ATP8A2: variants seen among roughly 807,000 people sequenced by gnomAD.
ATP8A2 encodes ATPase phospholipid transporting 8A2, also known as phospholipid-transporting ATPase IB.
ATP8A2 carries 100 observed loss-of-function variants against 165.6 expected under a neutral mutation model. That is an observed-to-expected ratio of 0.60 (90% CI 0.51 to 0.71). The LOEUF (loss-of-function observed/expected upper bound fraction) is 0.71, where lower values mean the gene tolerates loss of function less well. ATP8A2 is among the 30% of genes least tolerant of loss of function. The pLI is 0.00. For synonymous variants in ATP8A2, 543 were observed against 548.8 expected, an observed-to-expected ratio of 0.99 and a Z score of 0.15; for missense variants, 1,227 against 1,479.5, an observed-to-expected ratio of 0.83 and a Z score of 2.80.
intron 27 of ATP8A2, among the ~76,000 whole-genome samples, chr13:25,799,035 C>T (rs1249671228): frequency 6.6e-6 from 1 of 151,506 alleles, no homozygotes; most frequent in African/African-American, 2.4e-5. Context: ...GAAAAGCACA[C>T]CAATTTATTT....
At chr13:25,713,671 G>C (rs565254107) in intron 25 of ATP8A2, among the ~76,000 whole-genome samples, 2 of 152,300 alleles carry the variant, frequency 1.3e-5, no homozygotes, top group African/African-American at 4.8e-5. Flanking sequence ...TCAAATGCAG[G>C]TCACTTCGTG....
At chr13:25,771,035 C>T (rs949691634) in intron 26 of ATP8A2, among the ~76,000 whole-genome samples, 4 of 152,242 alleles carry the variant, frequency 2.6e-5, no homozygotes, top group African/African-American at 7.2e-5. Context: ...TTCTTCTCAG[C>T]TCACAGTTCT....
intron 2 of ATP8A2, among the ~76,000 whole-genome samples, chr13:25,490,273 G>A (rs568963564): frequency 7.6e-4 from 116 of 152,312 alleles, no homozygotes; most frequent in Non-Finnish European, 6.8e-4. Flanking sequence ...TTCCTGAGCC[G>A]TAAGGTGGGT....
intron 24 of ATP8A2, among the ~76,000 whole-genome samples, chr13:25,594,570 C>T (rs562761852): frequency 6.6e-6 from 1 of 152,210 alleles, no homozygotes; most frequent in African/African-American, 2.4e-5. Flanking sequence ...TTTATCCCTT[C>T]CCACCCTTTC....
chr13:25,976,116 T>C (rs1417350177), intron 35 of ATP8A2, among the ~76,000 whole-genome samples: 2 of 152,166 alleles, frequency 1.3e-5, no homozygotes, highest in African/African-American at 2.4e-5. Flanking sequence ...GTTTTTAAGA[T>C]ACAGAGTCCC....
At chr13:25,449,747 A>G (rs569546028) in intron 1 of ATP8A2, among the ~76,000 whole-genome samples, 1 of 152,352 alleles carries the variant, frequency 6.6e-6, no homozygotes, top group South Asian at 2.1e-4. Context: ...ATAAATGCTT[A>G]GGATTATCAA....
At chr13:25,766,537 T>C (rs1481844227) in intron 25 of ATP8A2, among the ~76,000 whole-genome samples, 1 of 152,184 alleles carries the variant, frequency 6.6e-6, no homozygotes, top group Non-Finnish European at 1.5e-5. Context: ...TCATTTCCTA[T>C]TCCACATTGA....
At chr13:25,414,186 GTTTTTTTTTT>G (rs10528594) in intron 1 of ATP8A2, among the ~76,000 whole-genome samples, 4 of 119,092 alleles carry the variant, frequency 3.4e-5, no homozygotes, top group Admixed American at 8.6e-5. Context: ...GGGCTGTGGT[GTTTTTTTTTT>G]TTTTTTTTTT....
At chr13:25,645,788 T>G (rs1030748052) in intron 24 of ATP8A2, among the ~76,000 whole-genome samples, 5 of 152,204 alleles carry the variant, frequency 3.3e-5, no homozygotes, top group Non-Finnish European at 7.3e-5. Flanking sequence ...GTGCTTGGTA[T>G]GATTCCAGTT....
chr13:25,397,551 G>A (rs565501864), intron 1 of ATP8A2, among the ~76,000 whole-genome samples: 8 of 152,202 alleles, frequency 5.3e-5, no homozygotes, highest in African/African-American at 1.4e-4. Flanking sequence ...CATTTCTGGG[G>A]ACCCATTTTT....
chr13:25,456,608 A>T (rs1169239270), intron 1 of ATP8A2, among the ~76,000 whole-genome samples: 1 of 152,224 alleles, frequency 6.6e-6, no homozygotes, highest in Non-Finnish European at 1.5e-5. Flanking sequence ...AGGGGTGAGT[A>T]GTAGGCAGGC....
intron 27 of ATP8A2, among the ~76,000 whole-genome samples, chr13:25,791,068 A>T (rs1204209271): frequency 6.6e-6 from 1 of 152,204 alleles, no homozygotes; most frequent in East Asian, 1.9e-4. Flanking sequence ...TCATTCTGTT[A>T]TAAAGACATA....
chr13:25,649,984 G>C (rs2041771868), intron 24 of ATP8A2, among the ~76,000 whole-genome samples: 2 of 152,134 alleles, frequency 1.3e-5, no homozygotes, highest in African/African-American at 4.8e-5. Context: ...GTATTCCGCT[G>C]TGTTCCCTTT....
At chr13:25,712,766 A>C (rs1486496437) in intron 25 of ATP8A2, among the ~76,000 whole-genome samples, 1 of 152,242 alleles carries the variant, frequency 6.6e-6, no homozygotes, top group Non-Finnish European at 1.5e-5. Context: ...GTTTTCTAGT[A>C]AACTGAATTG....
chr13:25,639,127 A>AACTG (rs566676973), intron 24 of ATP8A2, among the ~76,000 whole-genome samples: 5,241 of 152,130 alleles, frequency 0.034, 158 homozygotes, highest in East Asian at 0.13. Flanking sequence ...GGAAAGGACC[A>AACTG]GTACCAGCCA....
intron 24 of ATP8A2, among the ~76,000 whole-genome samples, chr13:25,646,061 C>G (rs755946251): frequency 6.6e-6 from 1 of 152,098 alleles, no homozygotes; most frequent in Non-Finnish European, 1.5e-5. Context: ...CCTTAAGATT[C>G]TTTAATATTT....
intron 30 of ATP8A2, among the ~76,000 whole-genome samples, chr13:25,848,460 G>A (rs1191696291): frequency 2.0e-5 from 3 of 152,238 alleles, no homozygotes. Context: ...GTACCCAGGA[G>A]TAAGAAACAC....
At chr13:25,828,322 C>A in intron 28 of ATP8A2, 130 bp downstream of exon 28, 2 of 768,660 alleles carry the variant, frequency 2.6e-6, no homozygotes, top group Non-Finnish European at 4.4e-6. Context: ...ACAAATACAT[C>A]TTTGGGCCCT....
rs374918171 is a variant in ATP8A2 at position 25,795,982 on chromosome 13, C to G, written c.2679+21023C>G. ...TTTTTTTTTAAAAGACAGGGTCTTG[C>G]TCTGTCACCCAGGCTGGAGTGCAGT... On this transcript the variant is annotated intron_variant, in intron 27 of 36. Transcript: ENST00000381655. Among the ~76,000 whole-genome samples the G allele has an allele frequency of 1.8e-4, 27 of 151,622 alleles. No individual in the cohort carries two copies. In the East Asian group the frequency reaches 4.7e-3, roughly 26 times the overall value.
Sources: allele counts gnomAD v4.1 joint callset (sites outside exome capture counted in the v4.1 genomes callset), GRCh38; gene constraint gnomAD v4.1.1; transcripts MANE v1.5; gene names NCBI Gene and HGNC (gene_info 2026-07-23, HGNC 2026-07-21).